The following ROBO1 variants were observed in gnomAD, a reference collection of about 807,000 sequenced individuals.
The protein encoded by ROBO1 is roundabout guidance receptor 1, also known as roundabout homolog 1.
A neutral mutation model predicts 195.9 loss-of-function variants in ROBO1; 149 were observed. The observed-to-expected ratio is 0.76, with a 90% CI of 0.67 to 0.87. The LOEUF (loss-of-function observed/expected upper bound fraction) is 0.87, where lower values mean the gene tolerates loss of function less well. Ranked by LOEUF, ROBO1 falls within the 40% of genes least tolerant of loss-of-function variation. ROBO1 has a pLI of 0.00. For synonymous variants in ROBO1, 816 were observed against 733.2 expected (o/e 1.11, Z -1.82); for missense variants, 1,933 against 2,068.3 (o/e 0.93, Z 1.27).
In ROBO1 at chr3:79,686,273, G is replaced by A. The variant is rs1342311403; in HGVS notation, c.-51+81479C>T. Among the ~76,000 whole-genome samples, 6 of 152,294 alleles carry A rather than the reference G, an allele frequency of 3.9e-5. No individual in the cohort carries two copies. The East Asian group carries it at 1.2e-3, about 29-fold the overall frequency. ...ACCCATAGCCAATATCATACTGAGT[G>A]GACAAAAACTGGAAGCATTCCCTTT... On this transcript the variant is annotated intron_variant, in intron 1 of 30. Transcript: ENST00000464233.
chr3:78,730,705 C>A (rs953313042), intron 5 of ROBO1, among the ~76,000 whole-genome samples: 1 of 152,120 alleles, frequency 6.6e-6, no homozygotes, highest in Non-Finnish European at 1.5e-5. Context: ...TTGTTGAACA[C>A]GAGATTATGC....
At chr3:79,760,963 T>G (rs1192083692) in intron 1 of ROBO1, among the ~76,000 whole-genome samples, 1 of 150,996 alleles carries the variant, frequency 6.6e-6, no homozygotes, top group Non-Finnish European at 1.5e-5. Context: ...GCCAAAAAAT[T>G]GCTACAGTCT....
chr3:79,268,974 T>C (rs1354969379), intron 2 of ROBO1, among the ~76,000 whole-genome samples: 1 of 151,766 alleles, frequency 6.6e-6, no homozygotes, highest in African/African-American at 2.4e-5. Context: ...CATTATAGAA[T>C]GAATCACAAC....
At chr3:79,374,404 ACT>A (rs1433998778) in intron 2 of ROBO1, among the ~76,000 whole-genome samples, 5 of 152,064 alleles carry the variant, frequency 3.3e-5, no homozygotes, top group Admixed American at 6.6e-5. Context: ...ACAGACTCTA[ACT>A]CTCTCTTCTT....
At chr3:79,034,446 G>A (rs753933769) in intron 3 of ROBO1, among the ~76,000 whole-genome samples, 4 of 152,086 alleles carry the variant, frequency 2.6e-5, no homozygotes, top group South Asian at 2.1e-4. Context: ...AGTGAAGAAC[G>A]AAGGAGGGAA....
At chr3:78,745,563 C>T (rs543719155) in intron 5 of ROBO1, among the ~76,000 whole-genome samples, 6 of 152,188 alleles carry the variant, frequency 3.9e-5, no homozygotes, top group South Asian at 2.1e-4. Context: ...TTTGTTTCTT[C>T]GCTCTATTTC....
At chr3:79,340,881 G>A (rs1335791476) in intron 2 of ROBO1, among the ~76,000 whole-genome samples, 2 of 152,186 alleles carry the variant, frequency 1.3e-5, no homozygotes, top group Admixed American at 1.3e-4. Context: ...AGTGCCTGAT[G>A]TAGATTAAAT....
At chr3:79,677,960 T>A (rs1946834934) in intron 1 of ROBO1, among the ~76,000 whole-genome samples, 1 of 152,100 alleles carries the variant, frequency 6.6e-6, no homozygotes. Context: ...CTGCTAAATT[T>A]GTGGTAATTT....
intron 3 of ROBO1, among the ~76,000 whole-genome samples, chr3:79,065,222 GA>G (rs761174246): frequency 2.6e-5 from 4 of 151,880 alleles, no homozygotes; most frequent in East Asian, 3.9e-4. Flanking sequence ...AGATATAGAA[GA>G]GGCAACTGTG....
Position 78,651,751 on chromosome 3 carries a change from G to T in ROBO1, c.2793C>A (p.Thr931=), listed in dbSNP as rs6795556. Residue 931 remains threonine, a synonymous_variant, in exon 19 of 31, where the codon ACC becomes ACA. Transcript: ENST00000464233. The stretch of plus-strand genomic sequence containing the variant: ...TAATACCTTTTCTGATACCCGCGTA[G>T]GTACTAGTAAGTCCGTTTCTCTTCT... ...HRKKRNGLTS[T]YAGIRKVPSF... The T allele has an allele frequency of 0.24, 384,612 of 1,607,792 alleles. 47,042 individuals are homozygous for T. Among genetic ancestry groups the T allele is most frequent in the Middle Eastern group, 0.28 (1,659 of 6,028 alleles).
chr3:79,426,241 T>C (rs187596441), intron 2 of ROBO1, among the ~76,000 whole-genome samples: 23 of 152,306 alleles, frequency 1.5e-4, no homozygotes, highest in Admixed American at 5.9e-4. Context: ...AGATGTCTTT[T>C]TGTACATCAC....
chr3:78,990,519 T>A (rs2077212120), intron 3 of ROBO1, among the ~76,000 whole-genome samples: 1 of 152,188 alleles, frequency 6.6e-6, no homozygotes, highest in African/African-American at 2.4e-5. Context: ...TGGATTCATA[T>A]TTTCAATATA....
At chr3:79,369,246 T>G (rs1266585788) in intron 2 of ROBO1, among the ~76,000 whole-genome samples, 1 of 152,202 alleles carries the variant, frequency 6.6e-6, no homozygotes, top group Non-Finnish European at 1.5e-5. Context: ...CTTCCTGCTT[T>G]AAAATTCAGC....
chr3:78,618,973 G>T (rs557225913), intron 26 of ROBO1, among the ~76,000 whole-genome samples: 70 of 152,264 alleles, frequency 4.6e-4, no homozygotes, highest in African/African-American at 1.7e-3. Flanking sequence ...TTAGTAGGAA[G>T]CAAGATTCGT....
chr3:79,286,338 A>G lies in ROBO1; in HGVS notation c.89-160799T>C, dbSNP rs111476070. 7.7e-4 allele frequency among the ~76,000 whole-genome samples: 117 copies of G among 152,328 alleles called. 1 individual carries two copies. The highest frequency in any genetic ancestry group is 2.7e-3 in the African/African-American group (114 of 41,574). On this transcript the variant is annotated intron_variant, in intron 2 of 30. Coordinates refer to ENST00000464233, the MANE Select transcript of ROBO1 (RefSeq NM_002941.4). ...CATTCTACATTGAAGTTCAAGAAGC[A>G]TATTTGTCCCATATCTCCCAATAAC...
At chr3:79,465,086 C>A (rs1455284228) in intron 2 of ROBO1, among the ~76,000 whole-genome samples, 1 of 152,156 alleles carries the variant, frequency 6.6e-6, no homozygotes, top group Non-Finnish European at 1.5e-5. Flanking sequence ...ATAACAGATA[C>A]ATAGAATTCA....
intron 2 of ROBO1, among the ~76,000 whole-genome samples, chr3:79,455,674 T>C (rs2039596458): frequency 1.3e-5 from 2 of 152,104 alleles, no homozygotes. Flanking sequence ...CTCCAAAGTC[T>C]GTGCCTAGAG....
chr3:78,899,914 T>C (rs1205366528), intron 4 of ROBO1, among the ~76,000 whole-genome samples: 1 of 152,224 alleles, frequency 6.6e-6, no homozygotes, highest in Non-Finnish European at 1.5e-5. Flanking sequence ...AGGAACCGTA[T>C]TAATGAAATG....
At chr3:79,330,409 T>A (rs1264916461) in intron 2 of ROBO1, among the ~76,000 whole-genome samples, 1 of 150,960 alleles carries the variant, frequency 6.6e-6, no homozygotes, top group East Asian at 1.9e-4. Context: ...ATAGAATATT[T>A]TTCTACAGTC....
Sources: gnomAD v4.1 joint callset for allele counts (sites outside exome capture counted in the v4.1 genomes callset) on GRCh38, gnomAD v4.1.1 for gene constraint, MANE v1.5 for transcripts, NCBI Gene and HGNC (gene_info 2026-07-23, HGNC 2026-07-21) for gene names.